The following KCNQ1 variants were observed in gnomAD, a reference collection of about 807,000 sequenced individuals.
KCNQ1 encodes the protein potassium voltage-gated channel subfamily Q member 1, also known as potassium voltage-gated channel subfamily KQT member 1.
Under a neutral mutation model 72.4 loss-of-function variants are expected in KCNQ1, and 49 were observed. The observed-to-expected ratio is 0.68, with a 90% CI of 0.54 to 0.86. The LOEUF is 0.86. Among genes scored for constraint, KCNQ1 ranks in the 40% least tolerant of loss-of-function variants. The pLI, the probability that KCNQ1 is intolerant of heterozygous loss-of-function variation, is 0.00. For missense variants in KCNQ1, 790 were observed against 945.1 expected (o/e 0.84, Z 2.15); for synonymous variants, 450 against 412.6 (o/e 1.09, Z -1.10).
intron 2 of KCNQ1, among the ~76,000 whole-genome samples, chr11:2,554,026 C>T (rs913110642): frequency 5.9e-5 from 9 of 152,174 alleles, no homozygotes; most frequent in African/African-American, 9.7e-5. Flanking sequence ...TGTCATGATG[C>T]GTTTTAAAAC....
intron 10 of KCNQ1, chr11:2,632,647 TA>T: frequency 2.5e-6 from 1 of 398,400 alleles, no homozygotes. Flanking sequence ...TCAACTCAAA[TA>T]TCATTTCTCT....
At position 2,471,695 on chromosome 11, in the gene KCNQ1, T is replaced by C. The variant is rs28649383; in HGVS notation, c.386+26211T>C. Reference sequence around the variant, plus strand: ...GTGTGCACATGTGTATGGGTGTGCATGTGTGTATAGGTGTGTGTATGTGTG... The same window carrying C: ...GTGTGCACATGTGTATGGGTGTGCACGTGTGTATAGGTGTGTGTATGTGTG... On this transcript the variant is annotated intron_variant, in intron 1 of 15. Transcript: ENST00000155840. This position sits in a 1 kb window ranked among gnomAD's most constrained non-coding sequence, Gnocchi z 4.8. Among the ~76,000 whole-genome samples the C allele has an allele frequency of 0.42, 62,810 of 150,784 alleles. 15,806 individuals are homozygous for C. Among genetic ancestry groups the C allele is most frequent in the Non-Finnish European group, 0.58 (39,247 of 67,440 alleles).
intron 11 of KCNQ1, chr11:2,684,182 G>A: frequency 2.5e-6 from 1 of 398,666 alleles, no homozygotes; most frequent in Non-Finnish European, 4.4e-6. Context: ...AGCGCCCACT[G>A]GGGCTTGGTC....
chr11:2,835,397 TCACACA>T (rs36227626), intron 15 of KCNQ1, among the ~76,000 whole-genome samples: 44 of 130,442 alleles, frequency 3.4e-4, no homozygotes, highest in South Asian at 4.9e-4. Context: ...AAACCCTGAC[TCACACA>T]CACACACACA....
At chr11:2,534,032 C>T (rs901592689) in intron 2 of KCNQ1, among the ~76,000 whole-genome samples, 4 of 152,152 alleles carry the variant, frequency 2.6e-5, no homozygotes, top group Admixed American at 2.6e-4. Context: ...GCCCACCCCT[C>T]CCGCCAGCTG....
rs1444160932 is a variant in KCNQ1, at chr11:2,593,812, C to T, written c.1393+4958C>T. Among the ~76,000 whole-genome samples, 1 of 152,166 alleles carries T rather than the reference C, an allele frequency of 6.6e-6. No individual in the cohort carries two copies. The highest frequency in any genetic ancestry group is 1.5e-5 in the Non-Finnish European group (1 of 68,032). ...CACCAAGCCTGGCCTTTCATGCACT[C>T]CTCCATTCAAAGCCGTGTGTTCTGA... On this transcript the variant is annotated intron_variant, in intron 10 of 15. Coordinates refer to ENST00000155840, the MANE Select transcript of KCNQ1 (RefSeq NM_000218.3). The surrounding 1 kb of genome is among the most constrained non-coding windows in gnomAD (Gnocchi z 6.9).
chr11:2,706,084 C>A (rs939992748), intron 11 of KCNQ1, among the ~76,000 whole-genome samples: 2 of 152,196 alleles, frequency 1.3e-5, no homozygotes, highest in East Asian at 1.9e-4. Flanking sequence ...CCTGGGGTAC[C>A]GTGTGGCTGT....
chr11:2,465,774 C>T (rs747952620), intron 1 of KCNQ1, among the ~76,000 whole-genome samples: 7 of 152,314 alleles, frequency 4.6e-5, no homozygotes, highest in Non-Finnish European at 8.8e-5. Flanking sequence ...GCCTGTGTTC[C>T]GGGCAGGCTG....
At chr11:2,629,012 A>G (rs1288687781) in intron 10 of KCNQ1, 2 of 398,350 alleles carry the variant, frequency 5.0e-6, no homozygotes, top group Non-Finnish European at 8.9e-6. Flanking sequence ...ATAATTCAAA[A>G]TAAGCATGTG....
Position 2,658,574 on chromosome 11 carries a change from G to A in KCNQ1, c.1394-3387G>A, listed in dbSNP as rs1849893547. The A allele has an allele frequency of 2.9e-6, 1 of 339,370 alleles. No homozygotes were observed. The highest frequency in any genetic ancestry group is 5.0e-6 in the Non-Finnish European group (1 of 198,530). The allele number at this position is 339,370 out of a possible 1,614,324, so 21.0% of individuals were successfully genotyped here. A position where few individuals can be genotyped will look rare whatever the true frequency, so the allele number is the denominator to read the frequency against. On this transcript the variant is annotated intron_variant, in intron 10 of 15. Coordinates refer to ENST00000155840, the MANE Select transcript of KCNQ1 (RefSeq NM_000218.3). This position sits in a 1 kb window ranked among gnomAD's most constrained non-coding sequence, Gnocchi z 4.9. ...AGCCCTAGAATCATCCATTCATCCA[G>A]AGAGCCCTGGCTCCCTGGAGAATGA...
rs1451911622 is a variant in KCNQ1 at position 2,817,421 on chromosome 11, T to C, written c.1795-30346T>C. ...ACCCCCAGCCTTGTGCAGACACTGA[T>C]ACCCTTAGGATGAAGCTGACCCCAG... On this transcript the variant is annotated intron_variant, in intron 15 of 15. Transcript: ENST00000155840. This position sits in a 1 kb window ranked among gnomAD's most constrained non-coding sequence, Gnocchi z 6.1. 6.6e-6 allele frequency among the ~76,000 whole-genome samples: 1 copy of C among 152,016 alleles called. No individual in the cohort carries two copies. Among genetic ancestry groups the C allele is most frequent in the Non-Finnish European group, 1.5e-5 (1 of 67,988 alleles).
Position 2,768,704 on chromosome 11 carries a change from A to G in KCNQ1, c.1515-140A>G. On this transcript the variant is annotated intron_variant, in intron 11 of 15. Transcript: ENST00000155840. The surrounding 1 kb of genome is among the most constrained non-coding windows in gnomAD (Gnocchi z 6.7). The stretch of plus-strand genomic sequence containing the variant: ...GCCCACACTGGGACATGGCCTAAGT[A>G]TCTCCATCCCATGGAGTTGAACACT... 1.4e-6 allele frequency: 1 copy of G among 738,708 alleles called. No homozygotes were observed. Among genetic ancestry groups the G allele is most frequent in the South Asian group, 1.5e-5 (1 of 67,560 alleles). The allele number at this position is 738,708 out of a possible 1,614,324, so 45.8% of individuals were successfully genotyped here.
intron 11 of KCNQ1, chr11:2,667,585 G>A (rs1850101962): frequency 2.5e-6 from 1 of 398,348 alleles, no homozygotes; most frequent in Admixed American, 4.4e-5. Context: ...GGGGGTCGGG[G>A]CGGGGTTGGG....
Position 2,541,704 on chromosome 11 carries a change from G to GTTTT in KCNQ1, c.477+13698_477+13701dup, listed in dbSNP as rs368310521. Among the ~76,000 whole-genome samples the GTTTT allele has an allele frequency of 6.9e-6, 1 of 145,260 alleles. No individual in the cohort carries two copies. Among genetic ancestry groups the GTTTT allele is most frequent in the Non-Finnish European group, 1.5e-5 (1 of 66,236 alleles). On this transcript the variant is annotated intron_variant, in intron 2 of 15. Transcript: ENST00000155840. The surrounding 1 kb of genome is among the most constrained non-coding windows in gnomAD (Gnocchi z 4.8). The stretch of plus-strand genomic sequence containing the variant: ...TTCATCTCAGGCTCAGGTGTTTTGA[G>GTTTT]TTTTTTTTTTTTTTTAAATGAGGAC...
chr11:2,614,090 T>C, intron 10 of KCNQ1: 1 of 398,600 alleles, frequency 2.5e-6, no homozygotes, highest in Non-Finnish European at 4.4e-6. Context: ...AGGTGGTTTC[T>C]AGATGGCAGC....
intron 2 of KCNQ1, among the ~76,000 whole-genome samples, chr11:2,552,172 G>A (rs943595908): frequency 1.3e-5 from 2 of 150,532 alleles, no homozygotes; most frequent in Non-Finnish European, 3.0e-5. Context: ...AGAAATATTC[G>A]CCTAATCCAA....
In KCNQ1 at chr11:2,543,680, T is replaced by C. The variant is rs117168160; in HGVS notation, c.477+15662T>C. 2.0e-3 allele frequency among the ~76,000 whole-genome samples: 305 copies of C among 152,370 alleles called. No individual in the cohort carries two copies. The highest frequency in any genetic ancestry group is 3.3e-3 in the Non-Finnish European group (223 of 68,036). On this transcript the variant is annotated intron_variant, in intron 2 of 15. Coordinates refer to ENST00000155840, the MANE Select transcript of KCNQ1 (RefSeq NM_000218.3). The surrounding 1 kb of genome is among the most constrained non-coding windows in gnomAD (Gnocchi z 5.6). Reference sequence around the variant, plus strand: ...TTTCACATTCTATTTAGGAAATGCTTACCAAACACACTCTTACTAAGATTT... The same window carrying C: ...TTTCACATTCTATTTAGGAAATGCTCACCAAACACACTCTTACTAAGATTT...
intron 1 of KCNQ1, chr11:2,521,545 C>G (rs1829565977): frequency 2.1e-6 from 1 of 470,810 alleles, no homozygotes; most frequent in Non-Finnish European, 4.4e-6. Context: ...TGGTTACACG[C>G]CCCGGGGTTT....
At chr11:2,557,493 C>T (rs1266797931) in intron 2 of KCNQ1, among the ~76,000 whole-genome samples, 1 of 152,184 alleles carries the variant, frequency 6.6e-6, no homozygotes, top group Non-Finnish European at 1.5e-5. Context: ...TATCTATAGC[C>T]ATGTAACAAA....
Sources: allele counts gnomAD v4.1 joint callset (sites outside exome capture counted in the v4.1 genomes callset), GRCh38; gene constraint gnomAD v4.1.1; non-coding constraint Gnocchi (gnomAD v3.1); transcripts MANE v1.5; gene names NCBI Gene and HGNC (gene_info 2026-07-23, HGNC 2026-07-21).